The following TRMT44 variants were observed in gnomAD, a reference collection of about 807,000 sequenced individuals.
TRMT44 encodes tRNA methyltransferase 44 homolog.
In TRMT44, 78 loss-of-function variants were observed where a neutral mutation model predicts 77.3. The observed-to-expected ratio is 1.01, with a 90% CI of 0.84 to 1.22. TRMT44 has a LOEUF of 1.22. Among genes scored for constraint, TRMT44 ranks in the 50% most tolerant of loss-of-function variants. The probability of loss-of-function intolerance (pLI) is 0.00; values close to 1 mark genes in which losing one functional copy is unlikely to be tolerated. For synonymous variants in TRMT44, 391 were observed against 383.3 expected (o/e 1.02, Z -0.23); for missense variants, 1,090 against 964.4 (o/e 1.13, Z -1.73).
Position 8,476,147 on chromosome 4 carries a change from G to A in TRMT44, c.*146G>A, listed in dbSNP as rs553890803. 6.6e-5 allele frequency: 47 copies of A among 715,144 alleles called. No individual in the cohort carries two copies. The highest frequency in any genetic ancestry group is 2.4e-4 in the East Asian group (9 of 37,188). The allele number at this position is 715,144 out of a possible 1,614,324, so 44.3% of individuals were successfully genotyped here. On this transcript the variant is annotated 3_prime_UTR_variant, in exon 11 of 11. Transcript: ENST00000389737. ...CTCCACATCCTCACAGTGATGAACC[G>A]TATTTCATAAACATCACACGCCAGA...
the TRMT44 span, chr4:8,512,439 A>G: frequency 6.6e-6 from 1 of 152,144 alleles, no homozygotes; most frequent in Non-Finnish European, 1.5e-5. Flanking sequence ...CCAGTATGGG[A>G]GGTATAAATT....
rs755273982 is a variant in TRMT44 at position 8,475,774 on chromosome 4, G to A, written c.2047G>A (p.Val683Met). The change falls in exon 11 of 11, where the codon GTG becomes ATG. Residue 683 changes from valine (V) to methionine (M), a missense_variant and splice_region_variant. Val to Met is a conservative substitution (Grantham distance 21). Transcript: ENST00000389737. ...GTCTTCTCTGTTCCAAACCACAGTT[G>A]TGAATGGGAGAGTTCACATCCGCGA... ...LRNSHQVFQV[V>M]NGRVHIRDWR... 1 of 1,613,940 alleles carries A rather than the reference G, an allele frequency of 6.2e-7. No homozygotes were observed. The highest frequency in any genetic ancestry group is 2.2e-5 in the East Asian group (1 of 44,904).
At chr4:8,493,999 C>T (rs191167010), downstream of TRMT44, among the ~76,000 whole-genome samples, 303 of 149,104 alleles carry the variant, frequency 2.0e-3, 1 homozygote, top group Middle Eastern at 0.017. Context: ...ACAAACCACA[C>T]GAGATTAAAT....
At chr4:8,481,650 T>C (rs1560247799) in intron 2 of TRMT44, among the ~76,000 whole-genome samples, 1 of 152,252 alleles carries the variant, frequency 6.6e-6, no homozygotes, top group Non-Finnish European at 1.5e-5. Flanking sequence ...TATATCAGCT[T>C]TTCTCTTTAT....
rs1349485411 is a variant in TRMT44 at position 8,452,002 on chromosome 4, G to A, written c.997G>A (p.Asp333Asn). The change falls in exon 4 of 11, where the codon GAT becomes AAT. Residue 333 changes from aspartate (D) to asparagine (N), a missense_variant. Asp to Asn is a conservative substitution (Grantham distance 23). Transcript: ENST00000389737. This position sits in a 1 kb window ranked among gnomAD's most constrained non-coding sequence, Gnocchi z 5.7. ...VTDPEKFVYE[D>N]VAIAAYLLIL... ...TGATCCTGAGAAGTTCGTGTATGAA[G>A]ATGTGGCTATCGCAGCATACCTGCT... The A allele has an allele frequency of 6.5e-7, 1 of 1,536,718 alleles. No individual in the cohort carries two copies. Among genetic ancestry groups the A allele is most frequent in the Non-Finnish European group, 8.7e-7 (1 of 1,147,024 alleles).
chr4:8,481,610 G>A (rs1202927907), intron 2 of TRMT44, among the ~76,000 whole-genome samples: 2 of 152,188 alleles, frequency 1.3e-5, no homozygotes, highest in African/African-American at 4.8e-5. Flanking sequence ...CTCCCAAAGT[G>A]CTGGGGTTAC....
chr4:8,502,136 G>C, the TRMT44 span, among the ~76,000 whole-genome samples: 1 of 152,204 alleles, frequency 6.6e-6, no homozygotes, highest in East Asian at 1.9e-4. Context: ...CCCATAAAAC[G>C]GGGGCTCCTG....
chr4:8,441,503 G>A, intron 1 of TRMT44, 62 bp downstream of exon 1: 1 of 1,429,940 alleles, frequency 7.0e-7, no homozygotes, highest in Non-Finnish European at 9.2e-7. Context: ...AGAACCTCGG[G>A]TCAATGAAAA....
At chr4:8,454,854 T>C (rs929187768) in intron 6 of TRMT44, 41 bp downstream of exon 6, 1 of 1,583,424 alleles carries the variant, frequency 6.3e-7, no homozygotes, top group African/African-American at 1.3e-5. Context: ...TCAGCATGGC[T>C]TAGCTCCCAG....
chr4:8,475,907 A>T lies in TRMT44; in HGVS notation c.2180A>T (p.Asp727Val), dbSNP rs766424110. 4 of 1,614,146 alleles carry T rather than the reference A, an allele frequency of 2.5e-6. No homozygotes were observed. The Admixed American group carries it at 6.7e-5, about 27-fold the overall frequency. ...TGCTGGTTCTTCATGCATCACCCTG[A>T]TGGCTGCGCTCTGTCCACGGACTGC... ...RLCWFFMHHP[D>V]GCALSTDCCP... Residue 727 changes from aspartate to valine, a missense_variant, in exon 11 of 11, where the codon GAT becomes GTT. By Grantham distance (152) the Asp-to-Val change is radical. Coordinates refer to ENST00000389737, the MANE Select transcript of TRMT44 (RefSeq NM_152544.3).
intron 2 of TRMT44, among the ~76,000 whole-genome samples, chr4:8,490,640 C>T (rs540518305): frequency 1.1e-4 from 16 of 152,202 alleles, no homozygotes; most frequent in Non-Finnish European, 2.1e-4. Context: ...TGCAGACCTT[C>T]GCGGTGAGTG....
At chr4:8,493,781 G>A (rs917884202), downstream of TRMT44, among the ~76,000 whole-genome samples, 26 of 151,928 alleles carry the variant, frequency 1.7e-4, no homozygotes, top group Non-Finnish European at 1.5e-5. Context: ...TTCAGCAGCT[G>A]TCGCTTTGTC....
chr4:8,490,437 G>T (rs137940167), intron 2 of TRMT44, among the ~76,000 whole-genome samples: 1,836 of 152,158 alleles, frequency 0.012, 14 homozygotes, highest in Middle Eastern at 0.054. Flanking sequence ...GCAGACCTTC[G>T]CCGTGAGTGT....
downstream of TRMT44, chr4:8,477,952 C>A (rs1218369630): frequency 6.5e-6 from 1 of 152,772 alleles, no homozygotes; most frequent in Non-Finnish European, 1.5e-5. Context: ...GAGCTAAGCC[C>A]AGGATGCCGC....
chr4:8,483,394 ATAG>A lies in TRMT44; in HGVS notation n.3891+3865_3891+3867del. On this transcript the variant is annotated intron_variant and non_coding_transcript_variant, in intron 2 of 2. Coordinates refer to the TRMT44 transcript ENST00000511366. Reference sequence around the variant, plus strand: ...GAATAGGAATATGACTAGACAGAAGATAGTAGGGTTGACAAGTTTTTTTGGGGG... The same window carrying A: ...GAATAGGAATATGACTAGACAGAAGATAGGGTTGACAAGTTTTTTTGGGGG... Among the ~76,000 whole-genome samples, 5 of 150,858 alleles carry A rather than the reference ATAG, an allele frequency of 3.3e-5. No homozygotes were observed. The South Asian group carries it at 1.0e-3, about 32-fold the overall frequency.
At chr4:8,465,968 C>T (rs1465052761) in intron 8 of TRMT44, among the ~76,000 whole-genome samples, 1 of 152,234 alleles carries the variant, frequency 6.6e-6, no homozygotes, top group Non-Finnish European at 1.5e-5. Context: ...CCCATTTTCT[C>T]ATTAAAGGCC....
chr4:8,501,392 G>A, the TRMT44 span, among the ~76,000 whole-genome samples: 3 of 152,172 alleles, frequency 2.0e-5, no homozygotes, highest in Admixed American at 2.0e-4. The surrounding 1 kb of genome is among the most constrained non-coding windows in gnomAD (Gnocchi z 4.4). Flanking sequence ...CGGATGTCCT[G>A]GGTTCAAATT....
downstream of TRMT44, chr4:8,478,874 C>G (rs1727517991): frequency 6.6e-6 from 1 of 152,330 alleles, no homozygotes; most frequent in Admixed American, 6.5e-5. Context: ...AGGAGGCCCA[C>G]CTGTGGTGAG....
Position 8,452,837 on chromosome 4 carries a change from G to C in TRMT44, c.1024-45G>C. 8.6e-7 allele frequency: 1 copy of C among 1,166,182 alleles called. No homozygotes were observed. Among genetic ancestry groups the C allele is most frequent in the Non-Finnish European group, 1.2e-6 (1 of 829,026 alleles). 72.2% of individuals were successfully genotyped at this position (1,166,182 alleles called of 1,614,324 possible). ...TTTGTGTCTAAATTATTCTTGCGTA[G>C]AGTGAATTACCACCTGACTTTGTTT... On this transcript the variant is annotated intron_variant, in intron 4 of 10. Coordinates refer to ENST00000389737, the MANE Select transcript of TRMT44 (RefSeq NM_152544.3). The surrounding 1 kb of genome is among the most constrained non-coding windows in gnomAD (Gnocchi z 5.7).
Sources: gnomAD v4.1 joint callset for allele counts (sites outside exome capture counted in the v4.1 genomes callset) on GRCh38, gnomAD v4.1.1 for gene constraint, Gnocchi (gnomAD v3.1) non-coding constraint, MANE v1.5 for transcripts, NCBI Gene and HGNC (gene_info 2026-07-23, HGNC 2026-07-21) for gene names.